The following DARS1 variants were observed in gnomAD, a reference collection of about 807,000 sequenced individuals.
DARS1 encodes aspartyl-tRNA synthetase 1.
In DARS1, 51 loss-of-function variants were observed where a neutral mutation model predicts 68.8. That is an observed-to-expected ratio of 0.74 (90% CI 0.59 to 0.94). The LOEUF (loss-of-function observed/expected upper bound fraction) is 0.94, where lower values mean the gene tolerates loss of function less well. Among genes scored for constraint, DARS1 ranks in the 40% least tolerant of loss-of-function variants. The pLI, the probability that DARS1 is intolerant of heterozygous loss-of-function variation, is 0.00. For synonymous variants in DARS1, 203 were observed against 190.4 expected, an observed-to-expected ratio of 1.07 and a Z score of -0.55; for missense variants, 607 against 597.3, an observed-to-expected ratio of 1.02 and a Z score of -0.17.
At chr2:135,983,151 T>C (rs1462709863) in intron 2 of DARS1, among the ~76,000 whole-genome samples, 1 of 152,320 alleles carries the variant, frequency 6.6e-6, no homozygotes, top group East Asian at 1.9e-4. Flanking sequence ...AAAAATATAA[T>C]CTACCATTTA....
chr2:135,946,432 T>C (rs1284579770), intron 4 of DARS1, among the ~76,000 whole-genome samples: 1 of 152,200 alleles, frequency 6.6e-6, no homozygotes, highest in Non-Finnish European at 1.5e-5. Context: ...CCAGTGTTTA[T>C]GTATAAATTA....
intron 4 of DARS1, 37 bp from the exon 5 acceptor site, chr2:135,943,517 A>C: frequency 6.2e-7 from 1 of 1,603,520 alleles, no homozygotes; most frequent in Non-Finnish European, 8.5e-7. Context: ...GAATCATCTC[A>C]TCAGAGGTGT....
intron 7 of DARS1, among the ~76,000 whole-genome samples, chr2:135,929,213 C>T (rs1448209632): frequency 6.6e-6 from 1 of 152,156 alleles, no homozygotes; most frequent in Non-Finnish European, 1.5e-5. Context: ...GAGGACACCT[C>T]CCCTTGACTA....
At chr2:135,985,609 GTGCGGCTCCAGAAAGATCGCGAGAGC>G (rs750398144) in exon 1 of DARS1, 5 of 1,515,986 alleles carry the variant, frequency 3.3e-6, no homozygotes, top group East Asian at 2.4e-5. Flanking sequence ...CCGCGTGGAG[GTGCGGCTCCAGAAAGATCGCGAGAGC>G]TGCGGCTATC....
intron 6 of DARS1, among the ~76,000 whole-genome samples, chr2:135,933,331 A>T (rs1681393999): frequency 6.6e-6 from 1 of 152,248 alleles, no homozygotes; most frequent in African/African-American, 2.4e-5. Context: ...TATACTGAGC[A>T]GTCTGCTAAA....
intron 7 of DARS1, among the ~76,000 whole-genome samples, chr2:135,926,013 C>T (rs1415688085): frequency 6.6e-6 from 1 of 152,148 alleles, no homozygotes; most frequent in African/African-American, 2.4e-5. Flanking sequence ...GCCTCAGCTT[C>T]CTGAGTAGCT....
At chr2:135,966,415 T>C (rs1258209655) in intron 3 of DARS1, among the ~76,000 whole-genome samples, 1 of 152,244 alleles carries the variant, frequency 6.6e-6, no homozygotes, top group Non-Finnish European at 1.5e-5. Flanking sequence ...GGCAGATTAA[T>C]CAACTGCTAA....
At chr2:135,985,176 C>G (rs899822128) in intron 1 of DARS1, 1 of 630,524 alleles carries the variant, frequency 1.6e-6, no homozygotes, top group African/African-American at 1.8e-5. Context: ...CCCGGGGACA[C>G]GCTTCTAGTA....
At chr2:135,975,447 AT>A (rs1682475137) in intron 3 of DARS1, among the ~76,000 whole-genome samples, 1 of 152,130 alleles carries the variant, frequency 6.6e-6, no homozygotes, top group Admixed American at 6.5e-5. Flanking sequence ...TATTATAAAA[AT>A]TTTAGCTCAA....
At chr2:135,984,125 C>T (rs1381639125) in intron 1 of DARS1, among the ~76,000 whole-genome samples, 2 of 152,164 alleles carry the variant, frequency 1.3e-5, no homozygotes, top group African/African-American at 4.8e-5. Flanking sequence ...AGGGTCCAAT[C>T]TGTTAACAAA....
At position 135,916,298 on chromosome 2, in the gene DARS1, CT is replaced by C; in HGVS notation, c.1033del (p.Arg345AspfsTer2). 1 of 1,553,814 alleles carries C rather than the reference CT, an allele frequency of 6.4e-7. No individual in the cohort carries two copies. The highest frequency in any genetic ancestry group is 8.9e-7 in the Non-Finnish European group (1 of 1,124,878). On this transcript the variant is annotated frameshift_variant, in exon 11 of 16. Transcript: ENST00000264161. LOFTEE classifies it high-confidence loss of function. ...AGCCAATGCTTCACAATATTCTAGT[CT>C]TAGAGTTGGCTCCAAAAATTTGAAT... ...EPFKFLEPTLRLEYCEALAML... is the reference protein window; with the variant it reads ...EPFKFLEPTLXLEYCEALAML...
intron 3 of DARS1, among the ~76,000 whole-genome samples, chr2:135,968,751 T>A (rs1325911943): frequency 6.8e-6 from 1 of 146,650 alleles, no homozygotes; most frequent in Non-Finnish European, 1.5e-5. Context: ...AACCTCCGCC[T>A]CCTGGGTTCA....
At chr2:135,925,831 T>C (rs1035824847) in intron 7 of DARS1, among the ~76,000 whole-genome samples, 8 of 152,196 alleles carry the variant, frequency 5.3e-5, no homozygotes, top group African/African-American at 1.9e-4. Flanking sequence ...TAGTGACCTA[T>C]TTAGCAAAAA....
chr2:135,943,086 A>C (rs1681643244), intron 5 of DARS1: 3 of 250,222 alleles, frequency 1.2e-5, no homozygotes, highest in Non-Finnish European at 2.3e-5. Flanking sequence ...GATGAGAGGA[A>C]GCCACAGAAA....
Position 135,924,392 on chromosome 2 carries a change from A to G in DARS1, c.671T>C (p.Ile224Thr), listed in dbSNP as rs200961740. 2.0e-4 allele frequency: 313 copies of G among 1,593,704 alleles called. No individual in the cohort carries two copies. The highest frequency in any genetic ancestry group is 2.5e-4 in the Non-Finnish European group (292 of 1,174,554). Reference protein sequence around the residue: ...GFVEIQTPKIISAASEGGANV... With the variant: ...GFVEIQTPKITSAASEGGANV... ...AGAAATATTTTGAAGCATACCTGAA[A>G]TAATTTTAGGAGTTTGGATTTCCAC... Residue 224 changes from isoleucine (I) to threonine (T), a missense_variant, in exon 8 of 16, where the codon ATT becomes ACT. Ile to Thr is a moderately conservative substitution (Grantham distance 89). Coordinates refer to ENST00000264161, the MANE Select transcript of DARS1 (RefSeq NM_001349.4).
At position 135,952,428 on chromosome 2, in the gene DARS1, A is replaced by C. The variant is rs1681859044; in HGVS notation, c.321-8948T>G. The stretch of plus-strand genomic sequence containing the variant: ...ACTTCCTTGTGGTGAGAACTTCCCA[A>C]ATTCTCTCTTCCAGCTGTTTTGAAA... On this transcript the variant is annotated intron_variant, in intron 4 of 15. Transcript: ENST00000264161. 2.0e-5 allele frequency among the ~76,000 whole-genome samples: 3 copies of C among 152,126 alleles called. 1 individual carries two copies. In the South Asian group the frequency reaches 6.2e-4, roughly 32 times the overall value.
intron 7 of DARS1, among the ~76,000 whole-genome samples, chr2:135,925,315 T>G (rs1158778238): frequency 6.6e-6 from 1 of 152,218 alleles, no homozygotes; most frequent in East Asian, 1.9e-4. Context: ...ATCCTATGAC[T>G]AGGTAGGTGT....
intron 12 of DARS1, among the ~76,000 whole-genome samples, chr2:135,914,268 A>C (rs1432735343): frequency 6.6e-6 from 1 of 152,234 alleles, no homozygotes; most frequent in Non-Finnish European, 1.5e-5. Context: ...TGAGTTAATC[A>C]GATCATCTGG....
chr2:135,929,664 T>C (rs1681300672), intron 7 of DARS1, among the ~76,000 whole-genome samples: 1 of 152,204 alleles, frequency 6.6e-6, no homozygotes, highest in Non-Finnish European at 1.5e-5. Context: ...GGATAATCTC[T>C]TATACTACAA....
Sources: gnomAD v4.1 joint callset for allele counts (sites outside exome capture counted in the v4.1 genomes callset) on GRCh38, gnomAD v4.1.1 for gene constraint, MANE v1.5 for transcripts, NCBI Gene and HGNC (gene_info 2026-07-23, HGNC 2026-07-21) for gene names.